The following RASGRF2 variants were observed in gnomAD, a reference collection of about 807,000 sequenced individuals.
RASGRF2 encodes the protein ras-specific guanine nucleotide-releasing factor 2.
A neutral mutation model predicts 151.0 loss-of-function variants in RASGRF2; 76 were observed. The observed-to-expected ratio is 0.50, with a 90% CI of 0.42 to 0.61. The LOEUF is 0.61. Ranked by LOEUF, RASGRF2 falls within the 20% of genes least tolerant of loss-of-function variation. The pLI is 0.00. For missense variants in RASGRF2, 1,148 were observed against 1,564.6 expected, an observed-to-expected ratio of 0.73 and a Z score of 4.49; for synonymous variants, 504 against 566.5, an observed-to-expected ratio of 0.89 and a Z score of 1.57.
intron 15 of RASGRF2, among the ~76,000 whole-genome samples, chr5:81,117,263 A>G (rs561471315): frequency 2.0e-5 from 3 of 152,328 alleles, no homozygotes; most frequent in African/African-American, 7.2e-5. Flanking sequence ...GATATTTTAA[A>G]CTAGATAATT....
chr5:81,094,281 T>G lies in RASGRF2; in HGVS notation c.1552-15T>G. The G allele has an allele frequency of 1.2e-6, 2 of 1,610,246 alleles. No individual in the cohort carries two copies. Among genetic ancestry groups the G allele is most frequent in the Non-Finnish European group, 1.7e-6 (2 of 1,177,464 alleles). Reference sequence around the variant, plus strand: ...AGACCTTCAGCGTCTTAGTGAAAAATTGGTTTGTTTCCAGACAGGTGGGGT... The same window carrying G: ...AGACCTTCAGCGTCTTAGTGAAAAAGTGGTTTGTTTCCAGACAGGTGGGGT... On this transcript the variant is annotated splice_polypyrimidine_tract_variant and intron_variant, in intron 10 of 26. Coordinates refer to ENST00000265080, the MANE Select transcript of RASGRF2 (RefSeq NM_006909.3).
chr5:81,120,095 C>A (rs1276421909), intron 15 of RASGRF2, among the ~76,000 whole-genome samples: 1 of 152,102 alleles, frequency 6.6e-6, no homozygotes, highest in African/African-American at 2.4e-5. Context: ...CCTAATGCAT[C>A]CCCCTTAGCT....
chr5:81,113,117 C>T lies in RASGRF2; in HGVS notation c.2087+259C>T, dbSNP rs184708399. Among the ~76,000 whole-genome samples the T allele has an allele frequency of 2.7e-3, 415 of 152,046 alleles. 2 individuals carry two copies. Among genetic ancestry groups the T allele is most frequent in the Non-Finnish European group, 3.6e-3 (243 of 67,978 alleles). ...ATTTGTAAACGAACTCCATTGCTTT[C>T]GGCTTTTCTTTTTTCTTTCTTTCTT... is the stretch of plus-strand genomic sequence containing the variant. On this transcript the variant is annotated intron_variant, in intron 14 of 26. Transcript: ENST00000265080.
intron 18 of RASGRF2, among the ~76,000 whole-genome samples, chr5:81,193,115 T>C (rs988470649): frequency 1.3e-5 from 2 of 152,210 alleles, no homozygotes; most frequent in African/African-American, 4.8e-5. Context: ...CTGAGAAAAT[T>C]ACTCTCATAA....
At chr5:81,052,072 C>A (rs111935371) in intron 2 of RASGRF2, among the ~76,000 whole-genome samples, 95 of 152,242 alleles carry the variant, frequency 6.2e-4, no homozygotes, top group African/African-American at 2.2e-3. Context: ...ATAGTTGTAT[C>A]TGTATTCTTG....
At chr5:81,170,163 T>C (rs1418458914) in intron 17 of RASGRF2, among the ~76,000 whole-genome samples, 3 of 144,250 alleles carry the variant, frequency 2.1e-5, no homozygotes, top group African/African-American at 2.6e-5. Context: ...CCTGCATCAC[T>C]TGCAGCACCT....
intron 5 of RASGRF2, among the ~76,000 whole-genome samples, 162 bp from the exon 6 acceptor site, chr5:81,079,959 G>A (rs1752040168): frequency 6.6e-6 from 1 of 152,056 alleles, no homozygotes; most frequent in Non-Finnish European, 1.5e-5. Context: ...TGTCATAATT[G>A]CTTGATTGAG....
At chr5:81,197,895 C>T (rs11958789) in intron 18 of RASGRF2, among the ~76,000 whole-genome samples, 4,574 of 152,174 alleles carry the variant, frequency 0.03, 156 homozygotes, top group African/African-American at 0.091. Flanking sequence ...GCTGCCTGCA[C>T]GTGTTTTATA....
chr5:81,089,730 GCAATTTA>G (rs950520234), intron 9 of RASGRF2, among the ~76,000 whole-genome samples: 3 of 152,130 alleles, frequency 2.0e-5, no homozygotes, highest in Non-Finnish European at 4.4e-5. Context: ...GTGATATTGG[GCAATTTA>G]CTTAACTTCT....
intron 1 of RASGRF2, among the ~76,000 whole-genome samples, chr5:81,031,476 G>T (rs1225189707): frequency 6.6e-6 from 1 of 152,126 alleles, no homozygotes. Flanking sequence ...ACTCAAACAA[G>T]AACTCAGGAT....
chr5:81,216,382 CACAA>C (rs1053088448), intron 24 of RASGRF2, among the ~76,000 whole-genome samples: 13 of 148,632 alleles, frequency 8.7e-5, no homozygotes, highest in African/African-American at 2.0e-4. Context: ...CACACACACA[CACAA>C]ACACACACAC....
At chr5:81,060,505 A>G (rs542209719) in intron 2 of RASGRF2, among the ~76,000 whole-genome samples, 2 of 152,214 alleles carry the variant, frequency 1.3e-5, no homozygotes, top group African/African-American at 2.4e-5. Flanking sequence ...ACTCATCACC[A>G]GGTGACATAT....
chr5:81,042,421 G>C (rs747319334), intron 1 of RASGRF2, among the ~76,000 whole-genome samples: 1 of 152,216 alleles, frequency 6.6e-6, no homozygotes, highest in Non-Finnish European at 1.5e-5. Flanking sequence ...CAATTGGACT[G>C]CATAATTATA....
At chr5:81,032,604 T>C (rs923314195) in intron 1 of RASGRF2, among the ~76,000 whole-genome samples, 1 of 152,208 alleles carries the variant, frequency 6.6e-6, no homozygotes, top group Non-Finnish European at 1.5e-5. Context: ...CAGCTCTTCA[T>C]GCTAAAAACT....
chr5:81,047,641 A>G (rs562697677), intron 2 of RASGRF2, among the ~76,000 whole-genome samples: 1 of 152,358 alleles, frequency 6.6e-6, no homozygotes, highest in South Asian at 2.1e-4. Context: ...CACTCCATAA[A>G]GCTCACAGTC....
Position 81,062,014 on chromosome 5 carries a change from A to AC in RASGRF2, c.396-6018_396-6017insC, listed in dbSNP as rs1238798254. Among the ~76,000 whole-genome samples, 61 of 148,120 alleles carry AC rather than the reference A, an allele frequency of 4.1e-4. 1 individual carries two copies. The highest frequency in any genetic ancestry group is 1.3e-3 in the African/African-American group (53 of 39,702). ...CCAGCTGACAAAAAAAAAAAAAAAA[A>AC]AAAAAAAAAACTGTAGAGATGAGAT... On this transcript the variant is annotated intron_variant, in intron 2 of 26. Coordinates refer to ENST00000265080, the MANE Select transcript of RASGRF2 (RefSeq NM_006909.3).
chr5:80,982,786 G>C (rs1261108967), intron 1 of RASGRF2, among the ~76,000 whole-genome samples: 2 of 151,856 alleles, frequency 1.3e-5, no homozygotes, highest in Non-Finnish European at 2.9e-5. Context: ...ATTTTTAGTA[G>C]AGACGGGGTT....
At chr5:81,113,965 C>T in intron 15 of RASGRF2, 45 bp downstream of exon 15, 5 of 1,560,964 alleles carry the variant, frequency 3.2e-6, no homozygotes, top group Non-Finnish European at 4.3e-6. Context: ...CATTTGCTGG[C>T]CGCCTGCCTC....
intron 17 of RASGRF2, among the ~76,000 whole-genome samples, chr5:81,174,704 C>G (rs543156080): frequency 6.6e-6 from 1 of 152,262 alleles, no homozygotes; most frequent in Admixed American, 6.5e-5. Context: ...GCAATCCACA[C>G]TAAGAAAAGC....
Sources: gnomAD v4.1 joint callset for allele counts (sites outside exome capture counted in the v4.1 genomes callset) on GRCh38, gnomAD v4.1.1 for gene constraint, MANE v1.5 for transcripts, NCBI Gene and HGNC (gene_info 2026-07-23, HGNC 2026-07-21) for gene names.